EXOC4: variants seen among roughly 807,000 people sequenced by gnomAD.
EXOC4 encodes the protein SEC8-like 1.
EXOC4 carries 71 observed loss-of-function variants against 107.2 expected under a neutral mutation model. That is an observed-to-expected ratio of 0.66 (90% confidence interval 0.55 to 0.81). EXOC4 has a LOEUF of 0.81. Among genes scored for constraint, EXOC4 ranks in the 30% least tolerant of loss-of-function variants. The pLI is 0.00. For missense variants in EXOC4, 1,108 were observed against 1,189.6 expected (o/e 0.93, Z 1.01); for synonymous variants, 456 against 441.2 (o/e 1.03, Z -0.42).
At chr7:133,538,847 G>C (rs1399545371) in intron 9 of EXOC4, among the ~76,000 whole-genome samples, 1 of 33,766 alleles carries the variant, frequency 3.0e-5, no homozygotes, top group African/African-American at 1.5e-4. Flanking sequence ...GAAAAAGAAA[G>C]AAAGAAAGAA....
intron 10 of EXOC4, among the ~76,000 whole-genome samples, chr7:133,698,260 A>G (rs1170633984): frequency 1.3e-5 from 2 of 151,946 alleles, no homozygotes; most frequent in Non-Finnish European, 2.9e-5. Flanking sequence ...AACATTGTGT[A>G]TAGTTTAAGT....
At chr7:133,421,572 CCTGTCTG>C (rs1293979563) in intron 7 of EXOC4, among the ~76,000 whole-genome samples, 1 of 152,114 alleles carries the variant, frequency 6.6e-6, no homozygotes, top group African/African-American at 2.4e-5. Flanking sequence ...CTGCTGGGGG[CCTGTCTG>C]CTTTTGATTT....
chr7:133,290,848 T>TCTGCCAAAGG (rs1353876978), intron 3 of EXOC4: 3 of 152,218 alleles, frequency 2.0e-5, no homozygotes, highest in African/African-American at 7.2e-5. Flanking sequence ...TTGACTCATG[T>TCTGCCAAAGG]AACCAGTCTG....
At chr7:133,461,962 T>A (rs1798604756) in intron 7 of EXOC4, among the ~76,000 whole-genome samples, 1 of 152,192 alleles carries the variant, frequency 6.6e-6, no homozygotes, top group Non-Finnish European at 1.5e-5. Context: ...GATATCATAG[T>A]TGACAGTCGA....
chr7:133,645,722 G>T (rs1802974121), intron 10 of EXOC4, among the ~76,000 whole-genome samples: 1 of 152,128 alleles, frequency 6.6e-6, no homozygotes, highest in South Asian at 2.1e-4. Context: ...GTGCTCCTGT[G>T]TACCTTTGGA....
At chr7:133,525,230 C>G (rs1397337855) in intron 9 of EXOC4, among the ~76,000 whole-genome samples, 1 of 152,146 alleles carries the variant, frequency 6.6e-6, no homozygotes. Context: ...TATCACTGAG[C>G]TGCCTTTTTC....
Position 133,737,909 on chromosome 7 carries a change from C to CTTTTTTTTTT in EXOC4, c.1515-79405_1515-79396dup, listed in dbSNP as rs10673346. On this transcript the variant is annotated intron_variant, in intron 10 of 17. Coordinates refer to ENST00000253861, the MANE Select transcript of EXOC4 (RefSeq NM_021807.4). ...TTTTTGTGCCTCTTGATTTTTCTTTCTTTTTTTTTTTTTTTTTTTTGAGAC... is the reference window on the plus strand; with the variant it reads ...TTTTTGTGCCTCTTGATTTTTCTTTCTTTTTTTTTTTTTTTTTTTTTTTTTTTTTTGAGAC... 7.7e-4 allele frequency among the ~76,000 whole-genome samples: 69 copies of CTTTTTTTTTT among 89,306 alleles called. 1 individual carries two copies. The highest frequency in any genetic ancestry group is 1.3e-3 in the South Asian group (3 of 2,224). 58.6% of individuals were successfully genotyped at this position (89,306 alleles called of 152,430 possible).
chr7:133,476,201 A>G (rs1181592722), intron 8 of EXOC4, among the ~76,000 whole-genome samples: 2 of 152,178 alleles, frequency 1.3e-5, no homozygotes, highest in Non-Finnish European at 2.9e-5. Context: ...AAGGCATTAA[A>G]TTATTCTCAT....
chr7:134,063,945 C>G (rs774849703), intron 17 of EXOC4, among the ~76,000 whole-genome samples: 19 of 152,194 alleles, frequency 1.2e-4, no homozygotes, highest in Non-Finnish European at 2.8e-4. Context: ...AACCTGTTAA[C>G]AATGCCTTCT....
intron 7 of EXOC4, among the ~76,000 whole-genome samples, chr7:133,413,084 C>T (rs547487926): frequency 3.3e-5 from 5 of 152,182 alleles, no homozygotes; most frequent in Admixed American, 1.3e-4. Context: ...TTTGTCTGAA[C>T]GACTGTATTT....
intron 12 of EXOC4, among the ~76,000 whole-genome samples, chr7:133,911,657 T>C (rs887334358): frequency 5.9e-5 from 9 of 152,174 alleles, no homozygotes; most frequent in Non-Finnish European, 1.3e-4. Flanking sequence ...CCTAACCTAA[T>C]TTTTTTATTT....
intron 10 of EXOC4, among the ~76,000 whole-genome samples, chr7:133,746,671 T>C (rs952890740): frequency 4.6e-5 from 7 of 152,234 alleles, no homozygotes; most frequent in African/African-American, 1.4e-4. Context: ...TCAGTGCTCA[T>C]TTTTAAAGAT....
intron 9 of EXOC4, among the ~76,000 whole-genome samples, chr7:133,518,415 G>A (rs1454818842): frequency 6.7e-6 from 1 of 148,596 alleles, no homozygotes; most frequent in East Asian, 2.0e-4. Flanking sequence ...TTCATTCATG[G>A]CCTCTCCTAT....
chr7:134,002,820 C>G (rs1401671930), intron 15 of EXOC4, among the ~76,000 whole-genome samples: 3 of 152,046 alleles, frequency 2.0e-5, no homozygotes, highest in African/African-American at 7.2e-5. Context: ...ACTGACAACA[C>G]CAAGTACTGA....
At chr7:133,398,227 C>T (rs1017250208) in intron 7 of EXOC4, among the ~76,000 whole-genome samples, 1 of 152,168 alleles carries the variant, frequency 6.6e-6, no homozygotes, top group Non-Finnish European at 1.5e-5. Context: ...CTGTGATGGG[C>T]TACAGCCTCC....
rs1802142039 is a variant in EXOC4, at chr7:133,614,438, C to G, written c.1418-15607C>G. ...GGGACTGCCTTTTAATTGTGCAATACTCCTGGCCACTCAGAACTCCGTAAG... is the reference window on the plus strand; with the variant it reads ...GGGACTGCCTTTTAATTGTGCAATAGTCCTGGCCACTCAGAACTCCGTAAG... On this transcript the variant is annotated intron_variant, in intron 9 of 17. Coordinates refer to ENST00000253861, the MANE Select transcript of EXOC4 (RefSeq NM_021807.4). 1.3e-5 allele frequency among the ~76,000 whole-genome samples: 2 copies of G among 152,034 alleles called. 1 individual carries two copies. Among genetic ancestry groups the G allele is most frequent in the Admixed American group, 1.3e-4 (2 of 15,246 alleles).
intron 11 of EXOC4, among the ~76,000 whole-genome samples, chr7:133,830,147 A>G (rs529545539): frequency 3.8e-4 from 58 of 152,218 alleles, no homozygotes; most frequent in Middle Eastern, 3.4e-3. Context: ...CACACACACT[A>G]CTTCTCTTTG....
At chr7:133,521,366 C>T (rs761554146) in intron 9 of EXOC4, among the ~76,000 whole-genome samples, 3 of 152,024 alleles carry the variant, frequency 2.0e-5, no homozygotes, top group South Asian at 2.1e-4. Context: ...GAGAATAATT[C>T]GTCTTATCTA....
At chr7:134,014,240 A>G (rs994483371) in intron 17 of EXOC4, among the ~76,000 whole-genome samples, 3 of 152,178 alleles carry the variant, frequency 2.0e-5, no homozygotes, top group African/African-American at 4.8e-5. Context: ...TGTCTCTACT[A>G]AAAATACAAA....
Sources: gnomAD v4.1 joint callset for allele counts (sites outside exome capture counted in the v4.1 genomes callset) on GRCh38, gnomAD v4.1.1 for gene constraint, MANE v1.5 for transcripts, NCBI Gene and HGNC (gene_info 2026-07-23, HGNC 2026-07-21) for gene names.